The following PRKCB variants were observed in gnomAD, a reference collection of about 807,000 sequenced individuals.
PRKCB encodes protein kinase C beta.
A neutral mutation model predicts 81.5 loss-of-function variants in PRKCB; 13 were observed. That is an observed-to-expected ratio of 0.16 (90% confidence interval 0.10 to 0.25). The LOEUF (loss-of-function observed/expected upper bound fraction) is 0.25, where lower values mean the gene tolerates loss of function less well. Ranked by LOEUF, PRKCB falls within the 10% of genes least tolerant of loss-of-function variation. The probability of loss-of-function intolerance (pLI) is 1.00; values close to 1 mark genes in which losing one functional copy is unlikely to be tolerated. For missense variants in PRKCB, 509 were observed against 875.7 expected, an observed-to-expected ratio of 0.58 and a Z score of 5.29; for synonymous variants, 335 against 321.4, an observed-to-expected ratio of 1.04 and a Z score of -0.45.
At chr16:23,968,099 C>G (rs150826241) in intron 2 of PRKCB, among the ~76,000 whole-genome samples, 1 of 152,232 alleles carries the variant, frequency 6.6e-6, no homozygotes, top group East Asian at 1.9e-4. Context: ...ACTGGCCTGG[C>G]CTTTGTGGGT....
chr16:23,862,607 C>T (rs543278538), intron 2 of PRKCB, among the ~76,000 whole-genome samples: 27 of 152,036 alleles, frequency 1.8e-4, no homozygotes, highest in Admixed American at 6.6e-4. Context: ...ATTTTTTTTT[C>T]GTTGAGAGTT....
intron 5 of PRKCB, among the ~76,000 whole-genome samples, chr16:24,076,848 G>A (rs75741728): frequency 0.028 from 4,328 of 152,174 alleles, 112 homozygotes; most frequent in Non-Finnish European, 0.042. Flanking sequence ...GGGCTGTGCC[G>A]GAACTCTGTC....
intron 2 of PRKCB, among the ~76,000 whole-genome samples, chr16:23,869,533 A>G (rs1962867701): frequency 6.6e-6 from 1 of 152,150 alleles, no homozygotes; most frequent in Non-Finnish European, 1.5e-5. Context: ...GTCTTCCCTA[A>G]TATTCCATTC....
intron 5 of PRKCB, among the ~76,000 whole-genome samples, chr16:24,076,279 G>A (rs1345075732): frequency 6.6e-6 from 1 of 152,208 alleles, no homozygotes; most frequent in East Asian, 1.9e-4. Flanking sequence ...CTCTTTCCAG[G>A]ATTGGCAGTT....
At chr16:24,035,310 G>A in intron 4 of PRKCB, 109 bp from the exon 5 acceptor site, 7 of 1,417,010 alleles carry the variant, frequency 4.9e-6, no homozygotes, top group South Asian at 1.3e-5. Context: ...TGTCTCAGCT[G>A]TCTCAAAGGA....
chr16:24,040,776 A>G (rs908909995), intron 5 of PRKCB, among the ~76,000 whole-genome samples: 1 of 152,160 alleles, frequency 6.6e-6, no homozygotes, highest in African/African-American at 2.4e-5. Context: ...CATTATTCTC[A>G]TGGGAGGTAG....
chr16:24,193,460 T>TAAATAAATAAAAA (rs796231168), intron 16 of PRKCB, among the ~76,000 whole-genome samples: 19 of 88,468 alleles, frequency 2.1e-4, no homozygotes, highest in Non-Finnish European at 3.4e-4. Context: ...AATAAATAAA[T>TAAATAAATAAAAA]AAATAAATAA....
chr16:24,017,448 C>T (rs1414436626), intron 3 of PRKCB, among the ~76,000 whole-genome samples: 1 of 151,968 alleles, frequency 6.6e-6, no homozygotes, highest in Non-Finnish European at 1.5e-5. Context: ...ACAGCAGAGA[C>T]AGAAACCATA....
At chr16:24,196,312 G>A (rs1303767274) in intron 16 of PRKCB, among the ~76,000 whole-genome samples, 3 of 152,198 alleles carry the variant, frequency 2.0e-5, no homozygotes, top group African/African-American at 7.2e-5. Flanking sequence ...ATATTAGAGT[G>A]CATGGTGTTT....
chr16:24,154,871 T>C lies in PRKCB; in HGVS notation c.1239+14T>C, dbSNP rs1418896268. On this transcript the variant is annotated intron_variant, in intron 10 of 16. Transcript: ENST00000643927. ...TTCCAGACCATGGTAACTTGTCCCA[T>C]GGCCCTGGGTATTCCACCTCCAGGG... The C allele has an allele frequency of 1.2e-6, 2 of 1,610,546 alleles. No homozygotes were observed. The highest frequency in any genetic ancestry group is 1.1e-5 in the South Asian group (1 of 90,360).
intron 5 of PRKCB, among the ~76,000 whole-genome samples, chr16:24,086,277 A>AT (rs1966309536): frequency 6.6e-6 from 1 of 152,152 alleles, no homozygotes; most frequent in Non-Finnish European, 1.5e-5. Context: ...ATGGCAGGGC[A>AT]GGGGGGTTCA....
intron 2 of PRKCB, among the ~76,000 whole-genome samples, chr16:23,947,885 C>CGT: frequency 8.0e-6 from 1 of 124,432 alleles, no homozygotes. Flanking sequence ...TCTGGAGCCG[C>CGT]TTTTTTTTTT....
At chr16:24,051,806 A>C (rs943517330) in intron 5 of PRKCB, among the ~76,000 whole-genome samples, 6 of 152,148 alleles carry the variant, frequency 3.9e-5, no homozygotes, top group Non-Finnish European at 8.8e-5. Context: ...CACTGAATCC[A>C]GGAGTTCAAG....
intron 5 of PRKCB, among the ~76,000 whole-genome samples, chr16:24,050,986 T>C (rs888139484): frequency 1.3e-5 from 2 of 152,136 alleles, no homozygotes; most frequent in African/African-American, 4.8e-5. Flanking sequence ...CATTTCATCT[T>C]GTAGGGTTTG....
intron 7 of PRKCB, among the ~76,000 whole-genome samples, chr16:24,094,847 GGAAGGA>G: frequency 7.1e-6 from 1 of 141,544 alleles, no homozygotes; most frequent in African/African-American, 2.8e-5. Context: ...AAGGAAGGAA[GGAAGGA>G]AAGGAAGAAA....
chr16:24,073,476 C>T (rs1385274198), intron 5 of PRKCB, among the ~76,000 whole-genome samples: 3 of 152,074 alleles, frequency 2.0e-5, no homozygotes, highest in African/African-American at 4.8e-5. Context: ...GGACTACAGG[C>T]GCATGCCACC....
In PRKCB at chr16:24,216,816, A is replaced by T; in HGVS notation, c.*2000A>T. 2.0e-6 allele frequency: 2 copies of T among 985,468 alleles called. No homozygotes were observed. Among genetic ancestry groups the T allele is most frequent in the Non-Finnish European group, 2.4e-6 (2 of 829,946 alleles). The allele number at this position is 985,468 out of a possible 1,614,324, so 61.0% of individuals were successfully genotyped here. A position where few individuals can be genotyped will look rare whatever the true frequency, so the allele number is the denominator to read the frequency against. The stretch of plus-strand genomic sequence containing the variant: ...CTCACTTTATTGTTGAGAAACTGGC[A>T]TCTGGAAAGAGGAAGGAATTTGCCC... On this transcript the variant is annotated 3_prime_UTR_variant, in exon 17 of 17. Transcript: ENST00000643927.
chr16:23,881,966 CT>C (rs1308564256), intron 2 of PRKCB, among the ~76,000 whole-genome samples: 1 of 16,360 alleles, frequency 6.1e-5, no homozygotes, highest in African/African-American at 1.3e-4. Context: ...TTTTCTTTTC[CT>C]TTCTTTCTTT....
intron 3 of PRKCB, among the ~76,000 whole-genome samples, chr16:24,021,073 T>TCCC (rs1555491058): frequency 0.34 from 16,498 of 48,688 alleles, 2,091 homozygotes; most frequent in African/African-American, 0.44. Flanking sequence ...CCTCCCTCCC[T>TCCC]TCTTTCTTTC....
Sources: allele counts gnomAD v4.1 joint callset (sites outside exome capture counted in the v4.1 genomes callset), GRCh38; gene constraint gnomAD v4.1.1; transcripts MANE v1.5; gene names NCBI Gene and HGNC (gene_info 2026-07-23, HGNC 2026-07-21).